Variants in RALYL observed in about 807,000 individuals in gnomAD.
The protein encoded by RALYL is RALY RNA binding protein like, also known as RNA-binding Raly-like protein.
Under a neutral mutation model 35.1 loss-of-function variants are expected in RALYL, and 29 were observed. The observed-to-expected ratio is 0.83, with a 90% CI of 0.61 to 1.13. RALYL has a LOEUF of 1.13. Among genes scored for constraint, RALYL ranks in the 50% most tolerant of loss-of-function variants. The pLI, the probability that RALYL is intolerant of heterozygous loss-of-function variation, is 0.00. For synonymous variants in RALYL, 120 were observed against 127.6 expected (o/e 0.94, Z 0.40); for missense variants, 359 against 360.4 (o/e 1.00, Z 0.03).
At chr8:84,223,694 A>G (rs1204199950) in intron 1 of RALYL, among the ~76,000 whole-genome samples, 1 of 152,202 alleles carries the variant, frequency 6.6e-6, no homozygotes, top group Non-Finnish European at 1.5e-5. Context: ...TGAGGTTCTA[A>G]AGTTGAATGA....
intron 1 of RALYL, among the ~76,000 whole-genome samples, chr8:84,440,580 G>T (rs1199066155): frequency 6.6e-6 from 1 of 151,950 alleles, no homozygotes; most frequent in Non-Finnish European, 1.5e-5. Context: ...ATTTTACCTT[G>T]GCAAGAATGT....
intron 1 of RALYL, among the ~76,000 whole-genome samples, chr8:84,470,566 G>T (rs2052595325): frequency 6.6e-6 from 1 of 151,968 alleles, no homozygotes; most frequent in Non-Finnish European, 1.5e-5. Context: ...GTAGCAACAT[G>T]AAATCTTGCT....
intron 1 of RALYL, among the ~76,000 whole-genome samples, chr8:84,216,130 A>G (rs1820759525): frequency 6.6e-6 from 1 of 152,124 alleles, no homozygotes; most frequent in Non-Finnish European, 1.5e-5. Context: ...TTGTACAGAT[A>G]AGAAAACAGC....
chr8:84,698,578 A>C (rs547209149), intron 2 of RALYL, among the ~76,000 whole-genome samples: 50 of 152,250 alleles, frequency 3.3e-4, no homozygotes, highest in African/African-American at 1.1e-3. Flanking sequence ...TATAAAATAA[A>C]GTAGAAATAC....
chr8:84,419,189 T>C (rs142605568), intron 1 of RALYL, among the ~76,000 whole-genome samples: 2 of 152,312 alleles, frequency 1.3e-5, no homozygotes, highest in East Asian at 3.9e-4. Context: ...AATTTATTCT[T>C]GTGGTCTCCT....
At chr8:84,575,858 G>T (rs1364803123) in intron 2 of RALYL, among the ~76,000 whole-genome samples, 1 of 151,856 alleles carries the variant, frequency 6.6e-6, no homozygotes, top group East Asian at 1.9e-4. Context: ...TGGGCATAGT[G>T]GCGTGCACCT....
At chr8:84,822,653 T>C (rs1262871200) in intron 4 of RALYL, among the ~76,000 whole-genome samples, 1 of 152,168 alleles carries the variant, frequency 6.6e-6, no homozygotes, top group East Asian at 1.9e-4. Flanking sequence ...GGGAATTTAG[T>C]AAAATATTTA....
At chr8:84,743,090 T>C (rs143928210) in intron 2 of RALYL, among the ~76,000 whole-genome samples, 108 of 152,168 alleles carry the variant, frequency 7.1e-4, no homozygotes, top group African/African-American at 2.6e-3. Flanking sequence ...GTTTTAAAAA[T>C]GTATTCAATT....
At chr8:84,846,032 A>G (rs765442741) in intron 4 of RALYL, among the ~76,000 whole-genome samples, 37 of 152,100 alleles carry the variant, frequency 2.4e-4, no homozygotes, top group Non-Finnish European at 4.3e-4. Flanking sequence ...CTTTTTGGTT[A>G]CCGTAGCCTT....
At chr8:84,539,876 A>ATATGTG (rs1564110690) in intron 2 of RALYL, among the ~76,000 whole-genome samples, 2 of 19,050 alleles carry the variant, frequency 1.0e-4, no homozygotes, top group African/African-American at 2.1e-4. Flanking sequence ...ATATATATAT[A>ATATGTG]TGTATATATA....
intron 1 of RALYL, among the ~76,000 whole-genome samples, chr8:84,459,020 G>A (rs1351534162): frequency 6.6e-6 from 1 of 151,572 alleles, no homozygotes; most frequent in South Asian, 2.1e-4. Context: ...TAAAATTAAA[G>A]CATTTGTTAC....
chr8:84,471,540 A>G (rs921771912), intron 1 of RALYL, among the ~76,000 whole-genome samples: 1 of 152,068 alleles, frequency 6.6e-6, no homozygotes, highest in African/African-American at 2.4e-5. Context: ...AGCCTGGGTG[A>G]CAGAGAAAGA....
intron 1 of RALYL, among the ~76,000 whole-genome samples, chr8:84,455,253 C>T (rs1217446398): frequency 6.6e-6 from 1 of 151,916 alleles, no homozygotes; most frequent in Non-Finnish European, 1.5e-5. Flanking sequence ...AAAATTGAAA[C>T]TGTTCAGGGC....
chr8:84,603,258 A>T (rs1302145131), intron 2 of RALYL, among the ~76,000 whole-genome samples: 2 of 152,068 alleles, frequency 1.3e-5, no homozygotes, highest in Non-Finnish European at 1.5e-5. Flanking sequence ...ATTCCCCCAA[A>T]ACATGACACA....
At chr8:84,321,533 G>T (rs1170648553) in intron 1 of RALYL, among the ~76,000 whole-genome samples, 1 of 152,122 alleles carries the variant, frequency 6.6e-6, no homozygotes. Context: ...GGAGGTCATT[G>T]TATTTGTATA....
chr8:84,324,912 T>C (rs1224861297), intron 1 of RALYL, among the ~76,000 whole-genome samples: 1 of 152,154 alleles, frequency 6.6e-6, no homozygotes, highest in Non-Finnish European at 1.5e-5. Context: ...AAATATATCA[T>C]GTAAAGGCCC....
At chr8:84,729,847 C>G (rs923290628) in intron 2 of RALYL, among the ~76,000 whole-genome samples, 13 of 152,150 alleles carry the variant, frequency 8.5e-5, no homozygotes, top group African/African-American at 2.9e-4. Flanking sequence ...GAATTTGAAT[C>G]TCTGAATAGA....
intron 8 of RALYL, among the ~76,000 whole-genome samples, chr8:84,903,156 C>G (rs754419411): frequency 2.6e-5 from 4 of 152,070 alleles, no homozygotes; most frequent in Non-Finnish European, 5.9e-5. Flanking sequence ...CATCAAGACA[C>G]TCTTTTGAGG....
At chr8:84,496,778 A>G (rs1303559974) in intron 1 of RALYL, among the ~76,000 whole-genome samples, 1 of 152,084 alleles carries the variant, frequency 6.6e-6, no homozygotes, top group African/African-American at 2.4e-5. Flanking sequence ...ACTTCAAACC[A>G]CAGTCAGTGA....
Sources: allele counts gnomAD v4.1 joint callset (sites outside exome capture counted in the v4.1 genomes callset), GRCh38; gene constraint gnomAD v4.1.1; transcripts MANE v1.5; gene names NCBI Gene and HGNC (gene_info 2026-07-23, HGNC 2026-07-21).